The following MITF variants were observed in gnomAD, a reference collection of about 807,000 sequenced individuals.
The protein encoded by MITF is melanocyte inducing transcription factor.
In MITF, 17 loss-of-function variants were observed where a neutral mutation model predicts 60.5. The observed-to-expected ratio is 0.28, with a 90% CI of 0.19 to 0.42. MITF has a LOEUF of 0.42. Among genes scored for constraint, MITF ranks in the 10% least tolerant of loss-of-function variants. The pLI is 1.00. For synonymous variants in MITF, 260 were observed against 248.5 expected, an observed-to-expected ratio of 1.05 and a Z score of -0.43; for missense variants, 622 against 683.5, an observed-to-expected ratio of 0.91 and a Z score of 1.00.
At chr3:69,747,883 T>C (rs1331161761) in intron 1 of MITF, among the ~76,000 whole-genome samples, 2 of 152,210 alleles carry the variant, frequency 1.3e-5, no homozygotes, top group Non-Finnish European at 2.9e-5. Flanking sequence ...TAATTACTTT[T>C]TTGGTGTTAA....
chr3:69,917,522 A>C (rs2065362845), intron 2 of MITF, among the ~76,000 whole-genome samples: 1 of 151,948 alleles, frequency 6.6e-6, no homozygotes, highest in Non-Finnish European at 1.5e-5. Flanking sequence ...GGAAAAGCAT[A>C]GGGTTTTTCA....
intron 2 of MITF, among the ~76,000 whole-genome samples, chr3:69,889,610 C>T (rs1356914204): frequency 6.6e-6 from 1 of 151,630 alleles, no homozygotes; most frequent in Non-Finnish European, 1.5e-5. Context: ...CACATTTTTT[C>T]CTAAGTCTTT....
intron 2 of MITF, 92 bp downstream of exon 2, chr3:69,879,475 G>A: frequency 6.3e-7 from 1 of 1,580,726 alleles, no homozygotes; most frequent in South Asian, 1.1e-5. Flanking sequence ...TATTTTGTTA[G>A]ACTGACCCTT....
intron 2 of MITF, among the ~76,000 whole-genome samples, chr3:69,922,609 C>G (rs537118907): frequency 6.6e-6 from 1 of 152,124 alleles, no homozygotes; most frequent in African/African-American, 2.4e-5. Context: ...CTCTTCTTCC[C>G]GTTTTTGTTA....
intron 2 of MITF, among the ~76,000 whole-genome samples, chr3:69,891,340 C>T (rs2064755347): frequency 6.6e-6 from 1 of 152,154 alleles, no homozygotes; most frequent in Admixed American, 6.6e-5. Context: ...GATATAAAAT[C>T]TCTGTTCATC....
chr3:69,872,002 G>A (rs2064248960), intron 1 of MITF, among the ~76,000 whole-genome samples: 1 of 152,202 alleles, frequency 6.6e-6, no homozygotes, highest in South Asian at 2.1e-4. Flanking sequence ...TCCACAGTTG[G>A]ACAGAGTAAG....
intron 1 of MITF, among the ~76,000 whole-genome samples, chr3:69,821,832 A>G (rs370588660): frequency 3.9e-5 from 6 of 151,980 alleles, no homozygotes; most frequent in African/African-American, 1.2e-4. Flanking sequence ...GCTCACTGCA[A>G]CCTCTGTCTC....
chr3:69,832,397 G>A (rs1026962224), intron 1 of MITF, among the ~76,000 whole-genome samples: 2 of 152,164 alleles, frequency 1.3e-5, no homozygotes, highest in Admixed American at 6.5e-5. Context: ...GAAAGTAGAT[G>A]CCAAACATCT....
At chr3:69,778,581 G>A (rs1304441005) in intron 1 of MITF, among the ~76,000 whole-genome samples, 3 of 152,136 alleles carry the variant, frequency 2.0e-5, no homozygotes, top group Non-Finnish European at 4.4e-5. Flanking sequence ...CAAGATGGCT[G>A]CCGCTCCTCT....
intron 2 of MITF, among the ~76,000 whole-genome samples, chr3:69,930,202 G>C (rs1178962123): frequency 6.6e-6 from 1 of 152,048 alleles, no homozygotes; most frequent in East Asian, 1.9e-4. Flanking sequence ...CCTCTGTTCT[G>C]GGGTGCTTAA....
intron 1 of MITF, among the ~76,000 whole-genome samples, chr3:69,851,048 T>C (rs1168895004): frequency 1.3e-5 from 2 of 152,102 alleles, no homozygotes; most frequent in South Asian, 2.1e-4. Flanking sequence ...TAGTTACACA[T>C]AGATCAAGAC....
chr3:69,770,976 C>T (rs927118875), intron 1 of MITF, among the ~76,000 whole-genome samples: 3 of 152,148 alleles, frequency 2.0e-5, no homozygotes, highest in African/African-American at 4.8e-5. Flanking sequence ...TTGAAATGCA[C>T]GTGTTACTTA....
rs2066724454 is a variant in MITF at position 69,967,735 on chromosome 3, T to G, written c.*2487T>G. On this transcript the variant is annotated 3_prime_UTR_variant, in exon 10 of 10. Transcript: ENST00000352241. ...TTTTATTTATTTCTTTTTTGCCAAA[T>G]AGAGTGTGGATTCATTTCAGGGGCT... The G allele has an allele frequency of 4.3e-6, 1 of 232,868 alleles. No homozygotes were observed. The highest frequency in any genetic ancestry group is 1.8e-4 in the South Asian group (1 of 5,522). 14.4% of individuals were successfully genotyped at this position (232,868 alleles called of 1,614,324 possible). A position where few individuals can be genotyped will look rare whatever the true frequency, so the allele number is the denominator to read the frequency against.
At chr3:69,876,746 G>GTACTGGA (rs1455486690) in intron 1 of MITF, among the ~76,000 whole-genome samples, 1 of 152,168 alleles carries the variant, frequency 6.6e-6, no homozygotes, top group Non-Finnish European at 1.5e-5. Flanking sequence ...GTTTGCCAAT[G>GTACTGGA]TACTGGATAT....
At chr3:69,903,426 C>T (rs2065033776) in intron 2 of MITF, among the ~76,000 whole-genome samples, 1 of 152,104 alleles carries the variant, frequency 6.6e-6, no homozygotes, top group South Asian at 2.1e-4. Context: ...TTCTTCTGAG[C>T]CTGACTAACT....
intron 1 of MITF, among the ~76,000 whole-genome samples, chr3:69,793,487 C>T (rs907044231): frequency 6.0e-5 from 6 of 100,356 alleles, no homozygotes; most frequent in African/African-American, 1.5e-4. Flanking sequence ...TGGCTTCTAC[C>T]CATTAGATGC....
chr3:69,787,571 G>T (rs2062671182), intron 1 of MITF, among the ~76,000 whole-genome samples: 1 of 152,088 alleles, frequency 6.6e-6, no homozygotes, highest in Admixed American at 6.6e-5. Context: ...TTTTGAATTT[G>T]TAAAGCATTA....
intron 1 of MITF, among the ~76,000 whole-genome samples, chr3:69,857,942 G>T (rs1359145435): frequency 6.6e-6 from 1 of 152,154 alleles, no homozygotes; most frequent in East Asian, 1.9e-4. Context: ...TTAAATTATG[G>T]TTTATATTAT....
chr3:69,773,270 G>T (rs2062420984), intron 1 of MITF, among the ~76,000 whole-genome samples: 1 of 152,172 alleles, frequency 6.6e-6, no homozygotes, highest in Non-Finnish European at 1.5e-5. Context: ...ATGGCAGGAG[G>T]TGGGGTCAGT....
Sources: allele counts gnomAD v4.1 joint callset (sites outside exome capture counted in the v4.1 genomes callset), GRCh38; gene constraint gnomAD v4.1.1; transcripts MANE v1.5; gene names NCBI Gene and HGNC (gene_info 2026-07-23, HGNC 2026-07-21).